CDK5: variants seen among roughly 807,000 people sequenced by gnomAD.
The protein encoded by CDK5 is cyclin-dependent kinase 5.
A neutral mutation model predicts 44.6 loss-of-function variants in CDK5; 18 were observed. The ratio of observed to expected loss-of-function variants is 0.40; its 90% CI spans 0.28 to 0.60. The LOEUF is 0.60. Among genes scored for constraint, CDK5 ranks in the 20% least tolerant of loss-of-function variants. The pLI, the probability that CDK5 is intolerant of heterozygous loss-of-function variation, is 0.38. For synonymous variants in CDK5, 143 were observed against 152.8 expected, an observed-to-expected ratio of 0.94 and a Z score of 0.47; for missense variants, 198 against 368.1, an observed-to-expected ratio of 0.54 and a Z score of 3.78.
Position 151,055,012 on chromosome 7 carries a change from G to A in CDK5, c.650+15C>T. Reference sequence around the variant, plus strand: ...CCCCTCCCAGAGGGCTCAAGGCAGAGGAAAGCAAGGATATCGGAAGATCCT... The same window carrying A: ...CCCCTCCCAGAGGGCTCAAGGCAGAAGAAAGCAAGGATATCGGAAGATCCT... On this transcript the variant is annotated intron_variant, in intron 9 of 11. Transcript: ENST00000485972. The A allele has an allele frequency of 6.2e-7, 1 of 1,613,538 alleles. No homozygotes were observed. The highest frequency in any genetic ancestry group is 8.5e-7 in the Non-Finnish European group (1 of 1,179,596).
At position 151,056,418 on chromosome 7, in the gene CDK5, A is replaced by G. The variant is rs2150361785; in HGVS notation, c.312+162T>C. 1 of 640,698 alleles carries G rather than the reference A, an allele frequency of 1.6e-6. No homozygotes were observed. 39.7% of individuals were successfully genotyped at this position (640,698 alleles called of 1,614,324 possible). A position where few individuals can be genotyped will look rare whatever the true frequency, so the allele number is the denominator to read the frequency against. On this transcript the variant is annotated intron_variant, in intron 5 of 11. Transcript: ENST00000485972. The surrounding 1 kb of genome is among the most constrained non-coding windows in gnomAD (Gnocchi z 4.7). Reference sequence around the variant, plus strand: ...CAAAGATGACCACGTGAAAATGCTCACTAAGACTGGAGACCCCTGGAGGAC... The same window carrying G: ...CAAAGATGACCACGTGAAAATGCTCGCTAAGACTGGAGACCCCTGGAGGAC...
Position 151,054,200 on chromosome 7 carries a change from C to G in CDK5, c.792+12G>C, listed in dbSNP as rs1314109214. On this transcript the variant is annotated intron_variant, in intron 11 of 11. Coordinates refer to ENST00000485972, the MANE Select transcript of CDK5 (RefSeq NM_004935.4). The surrounding 1 kb of genome is among the most constrained non-coding windows in gnomAD (Gnocchi z 5.7). ...AAGTGTCCTGACCCACCCTCTACCC[C>G]TGGTCACCTACCTGCAGCAGATCCC... 1.9e-6 allele frequency: 3 copies of G among 1,610,074 alleles called. No individual in the cohort carries two copies. The highest frequency in any genetic ancestry group is 2.5e-6 in the Non-Finnish European group (3 of 1,178,166).
In CDK5 at chr7:151,057,211, A is replaced by G. The variant is rs991815616; in HGVS notation, c.38-51T>C. On this transcript the variant is annotated intron_variant, in intron 1 of 11. Transcript: ENST00000485972. The surrounding 1 kb of genome is among the most constrained non-coding windows in gnomAD (Gnocchi z 5.2). ...GGTGAGGATGCGGCACTCTTCCCTA[A>G]GCCAGGAAATGCCTCCTGAGAGAGG... 11 of 1,393,848 alleles carry G rather than the reference A, an allele frequency of 7.9e-6. No homozygotes were observed. The highest frequency in any genetic ancestry group is 1.1e-5 in the Non-Finnish European group (11 of 979,338). The allele number at this position is 1,393,848 out of a possible 1,614,324, so 86.3% of individuals were successfully genotyped here.
Position 151,056,953 on chromosome 7 carries a change from C to A in CDK5, c.149G>T (p.Arg50Leu). The A allele has an allele frequency of 6.2e-7, 1 of 1,613,698 alleles. No individual in the cohort carries two copies. ...CAGCTCCTTGAGTAGGCAGATCTCCCGGAGGGCGGAACTCGGCACACCCTG... is the reference window on the plus strand; with the variant it reads ...CAGCTCCTTGAGTAGGCAGATCTCCAGGAGGGCGGAACTCGGCACACCCTG... ...DDEGVPSSAL[R>L]EICLLKELKH... The change falls in exon 3 of 12, where the codon CGG becomes CTG. Residue 50 changes from arginine (R) to leucine (L), a missense_variant. Arg to Leu is a moderately radical substitution (Grantham distance 102). This residue lies in a region of CDK5 where 53 missense variants were observed against 122.7 expected (regional missense o/e 0.43). Transcript: ENST00000485972. This position sits in a 1 kb window ranked among gnomAD's most constrained non-coding sequence, Gnocchi z 4.7.
rs777790756 is a variant in CDK5 at position 151,056,551 on chromosome 7, G to A, written c.312+29C>T. 3.1e-6 allele frequency: 5 copies of A among 1,600,696 alleles called. No homozygotes were observed. In the South Asian group the frequency reaches 3.3e-5, roughly 11 times the overall value. On this transcript the variant is annotated intron_variant, in intron 5 of 11. Coordinates refer to ENST00000485972, the MANE Select transcript of CDK5 (RefSeq NM_004935.4). The surrounding 1 kb of genome is among the most constrained non-coding windows in gnomAD (Gnocchi z 4.7). The stretch of plus-strand genomic sequence containing the variant: ...CGAATGCAGACTCCGACCCCAGCCT[G>A]AGGGGTCCCCCAACACCACTCTCCT...
In CDK5 at chr7:151,054,211, C is replaced by T. The variant is rs1229493993; in HGVS notation, c.792+1G>A. On this transcript the variant is annotated splice_donor_variant, in intron 11 of 11. Coordinates refer to ENST00000485972, the MANE Select transcript of CDK5 (RefSeq NM_004935.4). LOFTEE classifies it high-confidence loss of function. The surrounding 1 kb of genome is among the most constrained non-coding windows in gnomAD (Gnocchi z 5.7). ...CCCACCCTCTACCCCTGGTCACCTA[C>T]CTGCAGCAGATCCCTCCCTGTGGCA... The T allele has an allele frequency of 6.2e-7, 1 of 1,612,072 alleles. No individual in the cohort carries two copies. The highest frequency in any genetic ancestry group is 8.5e-7 in the Non-Finnish European group (1 of 1,179,052).
chr7:151,056,372 T>G lies in CDK5; in HGVS notation c.312+208A>C. ...TCGAGTGTAAATAATATCACTGACA[T>G]CAGAATGACACTGTGCGGGTCAAAG... is the stretch of plus-strand genomic sequence containing the variant. On this transcript the variant is annotated intron_variant, in intron 5 of 11. Coordinates refer to ENST00000485972, the MANE Select transcript of CDK5 (RefSeq NM_004935.4). The surrounding 1 kb of genome is among the most constrained non-coding windows in gnomAD (Gnocchi z 4.7). The G allele has an allele frequency of 1.7e-6, 1 of 599,504 alleles. No homozygotes were observed. Among genetic ancestry groups the G allele is most frequent in the Non-Finnish European group, 3.0e-6 (1 of 336,904 alleles). The allele number at this position is 599,504 out of a possible 1,614,324, so 37.1% of individuals were successfully genotyped here.
chr7:151,056,414 G>A lies in CDK5; in HGVS notation c.312+166C>T, dbSNP rs904853918. 21 of 627,930 alleles carry A rather than the reference G, an allele frequency of 3.3e-5. No individual in the cohort carries two copies. The highest frequency in any genetic ancestry group is 6.0e-5 in the Non-Finnish European group (21 of 352,896). 38.9% of individuals were successfully genotyped at this position (627,930 alleles called of 1,614,324 possible). A position where few individuals can be genotyped will look rare whatever the true frequency, so the allele number is the denominator to read the frequency against. On this transcript the variant is annotated intron_variant, in intron 5 of 11. Coordinates refer to ENST00000485972, the MANE Select transcript of CDK5 (RefSeq NM_004935.4). The surrounding 1 kb of genome is among the most constrained non-coding windows in gnomAD (Gnocchi z 4.7). ...GGGTCAAAGATGACCACGTGAAAAT[G>A]CTCACTAAGACTGGAGACCCCTGGA...
Position 151,057,501 on chromosome 7 carries a change from A to G in CDK5, c.37+311T>C, listed in dbSNP as rs983634214. 7 of 592,518 alleles carry G rather than the reference A, an allele frequency of 1.2e-5. No individual in the cohort carries two copies. The highest frequency in any genetic ancestry group is 6.0e-5 in the Admixed American group (2 of 33,590). The allele number at this position is 592,518 out of a possible 1,614,324, so 36.7% of individuals were successfully genotyped here. A position where few individuals can be genotyped will look rare whatever the true frequency, so the allele number is the denominator to read the frequency against. On this transcript the variant is annotated intron_variant, in intron 1 of 11. Transcript: ENST00000485972. The surrounding 1 kb of genome is among the most constrained non-coding windows in gnomAD (Gnocchi z 5.2). ...ATATTGAGGTTGGAGGTCTGCAGCAAGAAACGAGGCTGGGGGTCGGGGTGA... is the reference window on the plus strand; with the variant it reads ...ATATTGAGGTTGGAGGTCTGCAGCAGGAAACGAGGCTGGGGGTCGGGGTGA...
chr7:151,054,150 C>CT lies in CDK5; in HGVS notation c.793-56dup. 1 of 1,589,674 alleles carries CT rather than the reference C, an allele frequency of 6.3e-7. No homozygotes were observed. The highest frequency in any genetic ancestry group is 1.1e-5 in the South Asian group (1 of 87,874). On this transcript the variant is annotated intron_variant, in intron 11 of 11. Transcript: ENST00000485972. The surrounding 1 kb of genome is among the most constrained non-coding windows in gnomAD (Gnocchi z 5.7). ...TCAGGACAGGTCACTGCCCAGAGCC[C>CT]TGCCTTCCTGTAGTCCCACTGGGCA...
rs900442598 is a variant in CDK5, at chr7:151,057,325, G to A, written c.38-165C>T. 1.5e-6 allele frequency: 1 copy of A among 670,598 alleles called. No homozygotes were observed. Among genetic ancestry groups the A allele is most frequent in the African/African-American group, 1.8e-5 (1 of 56,566 alleles). 41.5% of individuals were successfully genotyped at this position (670,598 alleles called of 1,614,324 possible). On this transcript the variant is annotated intron_variant, in intron 1 of 11. Transcript: ENST00000485972. The surrounding 1 kb of genome is among the most constrained non-coding windows in gnomAD (Gnocchi z 5.2). ...TGAGTGAGGATGTGGCAGGTGGGGA[G>A]GGAGGAGAAGGTGCCCACCGAGGCT...
Position 151,053,895 on chromosome 7 carries a change from G to T in CDK5, c.*114C>A. The T allele has an allele frequency of 1.1e-6, 1 of 875,326 alleles. No individual in the cohort carries two copies. Among genetic ancestry groups the T allele is most frequent in the Non-Finnish European group, 1.7e-6 (1 of 574,828 alleles). The allele number at this position is 875,326 out of a possible 1,614,324, so 54.2% of individuals were successfully genotyped here. ...ATTCGGGCTCAGGCACCCCACCCCG[G>T]CTGGGCCCAGCACTGCTGGAGCACA... On this transcript the variant is annotated 3_prime_UTR_variant, in exon 12 of 12. Coordinates refer to ENST00000485972, the MANE Select transcript of CDK5 (RefSeq NM_004935.4).
chr7:151,055,180 C>T (rs930047508), intron 8 of CDK5, 84 bp from the exon 9 acceptor site: 1 of 1,563,042 alleles, frequency 6.4e-7, no homozygotes, highest in East Asian at 2.3e-5. Context: ...GCTCCAGTCC[C>T]AGGGCCTCCC....
In CDK5 at chr7:151,054,971, A is replaced by C; in HGVS notation, c.650+56T>G. On this transcript the variant is annotated intron_variant, in intron 9 of 11. Coordinates refer to ENST00000485972, the MANE Select transcript of CDK5 (RefSeq NM_004935.4). This position sits in a 1 kb window ranked among gnomAD's most constrained non-coding sequence, Gnocchi z 5.7. Reference sequence around the variant, plus strand: ...TCACTGCCCTCACCCATTGTGCTCAAAACTCCATGGACTCTCCCCTCCCAG... The same window carrying C: ...TCACTGCCCTCACCCATTGTGCTCACAACTCCATGGACTCTCCCCTCCCAG... 6.3e-7 allele frequency: 1 copy of C among 1,578,648 alleles called. No individual in the cohort carries two copies. The highest frequency in any genetic ancestry group is 8.7e-7 in the Non-Finnish European group (1 of 1,149,092).
chr7:151,054,942 A>T lies in CDK5; in HGVS notation c.650+85T>A, dbSNP rs1563326861. ...TACAGACCCCATCACCCTACCCCAC[A>T]CCATCACTGCCCTCACCCATTGTGC... On this transcript the variant is annotated intron_variant, in intron 9 of 11. Coordinates refer to ENST00000485972, the MANE Select transcript of CDK5 (RefSeq NM_004935.4). This position sits in a 1 kb window ranked among gnomAD's most constrained non-coding sequence, Gnocchi z 5.7. The T allele has an allele frequency of 5.2e-6, 7 of 1,357,276 alleles. No individual in the cohort carries two copies. Among genetic ancestry groups the T allele is most frequent in the Non-Finnish European group, 7.3e-6 (7 of 955,400 alleles). 84.1% of individuals were successfully genotyped at this position (1,357,276 alleles called of 1,614,324 possible). A position where few individuals can be genotyped will look rare whatever the true frequency, so the allele number is the denominator to read the frequency against.
chr7:151,055,156 C>T, intron 8 of CDK5, 60 bp from the exon 9 acceptor site: 5 of 1,579,344 alleles, frequency 3.2e-6, no homozygotes, highest in African/African-American at 2.7e-5. Context: ...TCTGAGGTAC[C>T]CCCTGACCTT....
Position 151,057,036 on chromosome 7 carries a change from C to T in CDK5, c.126+36G>A. 6.5e-7 allele frequency: 1 copy of T among 1,538,196 alleles called. No individual in the cohort carries two copies. The highest frequency in any genetic ancestry group is 9.0e-7 in the Non-Finnish European group (1 of 1,113,948). ...ATCCCACCCAGCCCAGGCCCTCAAA[C>T]CCCTCCCCAGGCCGTATCCCACTCC... On this transcript the variant is annotated intron_variant, in intron 2 of 11. Coordinates refer to ENST00000485972, the MANE Select transcript of CDK5 (RefSeq NM_004935.4). This position sits in a 1 kb window ranked among gnomAD's most constrained non-coding sequence, Gnocchi z 5.2.
Position 151,054,317 on chromosome 7 carries a change from A to C in CDK5, c.712-25T>G, listed in dbSNP as rs544632090. Reference sequence around the variant, plus strand: ...GCTGTGGAGAGGCAGGGAGGGTCAGACTAGAGGTAGGGGGAGGGGGATGGA... The same window carrying C: ...GCTGTGGAGAGGCAGGGAGGGTCAGCCTAGAGGTAGGGGGAGGGGGATGGA... On this transcript the variant is annotated intron_variant, in intron 10 of 11. Transcript: ENST00000485972. This position sits in a 1 kb window ranked among gnomAD's most constrained non-coding sequence, Gnocchi z 5.7. 1.2e-6 allele frequency: 2 copies of C among 1,613,284 alleles called. No individual in the cohort carries two copies. Among genetic ancestry groups the C allele is most frequent in the East Asian group, 2.2e-5 (1 of 44,864 alleles).
In CDK5 at chr7:151,057,648, G is replaced by T; in HGVS notation, c.37+164C>A. The T allele has an allele frequency of 3.9e-6, 3 of 765,940 alleles. No individual in the cohort carries two copies. Among genetic ancestry groups the T allele is most frequent in the South Asian group, 3.0e-5 (2 of 67,492 alleles). The allele number at this position is 765,940 out of a possible 1,614,324, so 47.4% of individuals were successfully genotyped here. A position where few individuals can be genotyped will look rare whatever the true frequency, so the allele number is the denominator to read the frequency against. ...GCCCTGCGGGAAATGCTAACACGGG[G>T]AAGACTGGTGTCTGCACGGAGTGCT... On this transcript the variant is annotated intron_variant, in intron 1 of 11. Transcript: ENST00000485972. This position sits in a 1 kb window ranked among gnomAD's most constrained non-coding sequence, Gnocchi z 5.2.
Sources: allele counts gnomAD v4.1 joint callset, GRCh38; gene constraint gnomAD v4.1.1; regional missense constraint gnomAD v4.1.1; non-coding constraint Gnocchi (gnomAD v3.1); transcripts MANE v1.5; gene names NCBI Gene and HGNC (gene_info 2026-07-23, HGNC 2026-07-21).